The following TENM1 variants were observed in gnomAD, a reference collection of about 807,000 sequenced individuals.
TENM1 encodes the protein teneurin-1.
TENM1 carries 35 observed loss-of-function variants against 174.8 expected under a neutral mutation model. That is an observed-to-expected ratio of 0.20 (90% CI 0.15 to 0.27). The LOEUF (loss-of-function observed/expected upper bound fraction) is 0.27. Ranked by LOEUF, TENM1 falls within the 10% of genes least tolerant of loss-of-function variation. The pLI is 1.00. For synonymous variants in TENM1, 781 were observed against 798.7 expected (o/e 0.98, Z 0.37); for missense variants, 1,633 against 2,130.1 (o/e 0.77, Z 4.59).
Position 124,574,707 on chromosome X carries a change from A to G in TENM1, c.2078-9147T>C, listed in dbSNP as rs892592904. Among the ~76,000 whole-genome samples, 6 of 110,587 alleles carry G rather than the reference A, an allele frequency of 5.4e-5. No individual in the cohort carries two copies. In the South Asian group the frequency reaches 2.3e-3, roughly 42 times the overall value. On this transcript the variant is annotated intron_variant, in intron 11 of 31. Coordinates refer to ENST00000422452, the Ensembl canonical transcript of TENM1. ...AGGATTTTTCTCATTGTTTTGTATG[A>G]TTAATATTAGAAATAACAGTAAGAA...
intron 3 of TENM1, 69 bp downstream of exon 6, chrX:124,894,227 G>A: frequency 1.2e-6 from 1 of 849,195 alleles, no homozygotes; most frequent in Middle Eastern, 2.7e-4. Flanking sequence ...GTTCCATTTT[G>A]TGGGGGTAGG....
intron 1 of TENM1, among the ~76,000 whole-genome samples, chrX:124,906,354 T>C (rs2057748761): frequency 8.9e-6 from 1 of 112,229 alleles, no homozygotes; most frequent in Admixed American, 9.5e-5. Context: ...TCATTATAAG[T>C]TGAACCATTG....
intron 11 of TENM1, among the ~76,000 whole-genome samples, chrX:124,636,336 G>A (rs1049263081): frequency 1.3e-4 from 15 of 111,902 alleles, no homozygotes; most frequent in African/African-American, 4.9e-4. Context: ...CATGACACTG[G>A]AGATTTGGAA....
the TENM1 span, among the ~76,000 whole-genome samples, chrX:125,108,785 C>T: frequency 9.1e-6 from 1 of 109,617 alleles, no homozygotes; most frequent in African/African-American, 3.3e-5. Flanking sequence ...TATATATACA[C>T]ATATATGTAG....
chrX:124,596,709 T>C (rs903912879), intron 11 of TENM1, among the ~76,000 whole-genome samples: 1 of 111,343 alleles, frequency 9.0e-6, no homozygotes, highest in Admixed American at 9.6e-5. Context: ...TGGTATGAGA[T>C]GGGGCTGGAC....
At chrX:124,713,129 A>G (rs780510596) in intron 4 of TENM1, among the ~76,000 whole-genome samples, 27 of 112,196 alleles carry the variant, frequency 2.4e-4, no homozygotes, top group Non-Finnish European at 4.1e-4. Context: ...CACATCGTTC[A>G]TAATTTTAAG....
At chrX:125,105,822 C>G in the TENM1 span, among the ~76,000 whole-genome samples, 2 of 111,822 alleles carry the variant, frequency 1.8e-5, no homozygotes, top group Non-Finnish European at 3.8e-5. Context: ...TGAGGCAAAT[C>G]TCAGAAGCCA....
At chrX:124,664,370 T>G (rs1056261198) in intron 6 of TENM1, among the ~76,000 whole-genome samples, 3 of 110,052 alleles carry the variant, frequency 2.7e-5, no homozygotes, top group African/African-American at 9.9e-5. Flanking sequence ...TGGTGCAGTT[T>G]TTTAGTTTGG....
chrX:125,191,111 T>C, the TENM1 span, among the ~76,000 whole-genome samples: 1 of 111,792 alleles, frequency 8.9e-6, no homozygotes, highest in Non-Finnish European at 1.9e-5. Context: ...TCACAAATAA[T>C]GCTTGGTGAA....
chrX:125,042,341 A>C, the TENM1 span, among the ~76,000 whole-genome samples: 1 of 110,965 alleles, frequency 9.0e-6, no homozygotes, highest in Non-Finnish European at 1.9e-5. Context: ...TTTCCTTTTT[A>C]AGTCCTCTTT....
the TENM1 span, among the ~76,000 whole-genome samples, chrX:125,134,374 A>T: frequency 1.8e-5 from 2 of 112,051 alleles, no homozygotes; most frequent in Admixed American, 1.9e-4. Context: ...ATCTGGGCTA[A>T]AACTCTATTC....
At chrX:124,846,281 A>C (rs890391194) in intron 3 of TENM1, among the ~76,000 whole-genome samples, 1 of 110,983 alleles carries the variant, frequency 9.0e-6, no homozygotes, top group African/African-American at 3.3e-5. Flanking sequence ...AACACTGAAA[A>C]TTTATTTCCC....
At chrX:124,967,908 G>C (rs189289996), upstream of TENM1, among the ~76,000 whole-genome samples, 3 of 111,994 alleles carry the variant, frequency 2.7e-5, no homozygotes, top group African/African-American at 9.7e-5. Flanking sequence ...TTCAGTGGCT[G>C]TGAGAGCTGA....
At chrX:124,847,908 G>A (rs2056640658) in intron 3 of TENM1, among the ~76,000 whole-genome samples, 2 of 111,038 alleles carry the variant, frequency 1.8e-5, no homozygotes, top group Admixed American at 1.9e-4. Flanking sequence ...TTCTTTGGCA[G>A]GGGTATGAAT....
chrX:125,038,416 T>C, the TENM1 span, among the ~76,000 whole-genome samples: 2 of 110,778 alleles, frequency 1.8e-5, no homozygotes, highest in Admixed American at 9.7e-5. Context: ...CTCATTGATA[T>C]AGTCTAAAGA....
At chrX:125,135,877 T>G in the TENM1 span, among the ~76,000 whole-genome samples, 1 of 111,942 alleles carries the variant, frequency 8.9e-6, no homozygotes, top group South Asian at 3.6e-4. Context: ...TAAATCAGAA[T>G]ACAAATCTGA....
chrX:124,524,641 C>T (rs1053495046), intron 16 of TENM1, among the ~76,000 whole-genome samples: 2 of 111,517 alleles, frequency 1.8e-5, no homozygotes, highest in African/African-American at 6.5e-5. Context: ...GAACCCTGCA[C>T]AACTTCACCA....
At chrX:124,725,461 C>T (rs1167767246) in intron 4 of TENM1, among the ~76,000 whole-genome samples, 4 of 111,679 alleles carry the variant, frequency 3.6e-5, no homozygotes, top group Non-Finnish European at 7.5e-5. Context: ...CCTCAGATAT[C>T]ACACCAATTT....
At chrX:124,947,263 T>C (rs1024428918) in intron 1 of TENM1, among the ~76,000 whole-genome samples, 3 of 111,665 alleles carry the variant, frequency 2.7e-5, no homozygotes, top group Non-Finnish European at 5.7e-5. Flanking sequence ...CCCTATTAAC[T>C]AGGAAAACCA....
Sources: gnomAD v4.1 joint callset for allele counts (sites outside exome capture counted in the v4.1 genomes callset) on GRCh38, gnomAD v4.1.1 for gene constraint, MANE v1.5 for transcripts, NCBI Gene and HGNC (gene_info 2026-07-23, HGNC 2026-07-21) for gene names.